The following PLPPR5 variants were observed in gnomAD, a reference collection of about 807,000 sequenced individuals.
The protein encoded by PLPPR5 is phospholipid phosphatase-related protein type 5.
In PLPPR5, 16 loss-of-function variants were observed where a neutral mutation model predicts 33.9. The ratio of observed to expected loss-of-function variants is 0.47; its 90% CI spans 0.32 to 0.72. The LOEUF is 0.72. Among genes scored for constraint, PLPPR5 ranks in the 30% least tolerant of loss-of-function variants. The pLI is 0.03. For synonymous variants in PLPPR5, 163 were observed against 150.3 expected, an observed-to-expected ratio of 1.08 and a Z score of -0.62; for missense variants, 301 against 406.7, an observed-to-expected ratio of 0.74 and a Z score of 2.23.
intron 1 of PLPPR5, among the ~76,000 whole-genome samples, chr1:98,969,716 A>C (rs554570871): frequency 8.0e-6 from 1 of 125,592 alleles, no homozygotes; most frequent in South Asian, 2.3e-4. Flanking sequence ...AGTAAATTCT[A>C]CCTCTTTTTC....
chr1:98,941,108 T>G (rs1248774873), intron 3 of PLPPR5, among the ~76,000 whole-genome samples: 1 of 151,822 alleles, frequency 6.6e-6, no homozygotes, highest in African/African-American at 2.4e-5. Context: ...GAGGTGGGAA[T>G]AGATGGGATC....
At chr1:98,917,886 G>A (rs533750597) in intron 4 of PLPPR5, among the ~76,000 whole-genome samples, 2 of 152,264 alleles carry the variant, frequency 1.3e-5, no homozygotes, top group South Asian at 2.1e-4. Flanking sequence ...GTCACAGTGA[G>A]GGATCAGATT....
chr1:98,967,597 T>C (rs1651494945), intron 1 of PLPPR5, among the ~76,000 whole-genome samples: 2 of 150,760 alleles, frequency 1.3e-5, no homozygotes, highest in African/African-American at 2.4e-5. Flanking sequence ...TCTTATTAGC[T>C]GAATGATCTT....
chr1:98,921,574 C>T (rs1460936469), intron 4 of PLPPR5, among the ~76,000 whole-genome samples: 1 of 152,062 alleles, frequency 6.6e-6, no homozygotes, highest in Non-Finnish European at 1.5e-5. Flanking sequence ...GCAGTTTTTA[C>T]CCAGTCTTAA....
At chr1:98,992,478 C>G (rs2100761769) in intron 1 of PLPPR5, among the ~76,000 whole-genome samples, 1 of 152,208 alleles carries the variant, frequency 6.6e-6, no homozygotes, top group African/African-American at 2.4e-5. Context: ...GTTACTTATA[C>G]TGTTATATTA....
intron 5 of PLPPR5, among the ~76,000 whole-genome samples, chr1:98,899,094 A>G (rs1360975573): frequency 6.6e-6 from 1 of 152,096 alleles, no homozygotes; most frequent in African/African-American, 2.4e-5. Context: ...TACTGATGCA[A>G]CCCCAGAGAC....
chr1:98,989,478 A>C (rs1487161744), intron 1 of PLPPR5, among the ~76,000 whole-genome samples: 2 of 152,162 alleles, frequency 1.3e-5, no homozygotes, highest in African/African-American at 4.8e-5. Flanking sequence ...GAAACTCAGA[A>C]TAACAGTAAC....
intron 1 of PLPPR5, among the ~76,000 whole-genome samples, chr1:98,995,579 A>C (rs182583656): frequency 1.1e-3 from 160 of 152,182 alleles, no homozygotes; most frequent in African/African-American, 3.6e-3. Flanking sequence ...CCTCTCCCCC[A>C]GTGGCTTATT....
intron 3 of PLPPR5, among the ~76,000 whole-genome samples, chr1:98,924,728 C>T (rs961783923): frequency 1.1e-4 from 16 of 152,032 alleles, no homozygotes; most frequent in African/African-American, 3.1e-4. Context: ...TCTTGAATGT[C>T]GAGTTGATCG....
At chr1:98,904,132 A>C (rs1187426370) in intron 5 of PLPPR5, among the ~76,000 whole-genome samples, 1 of 152,088 alleles carries the variant, frequency 6.6e-6, no homozygotes, top group East Asian at 1.9e-4. Flanking sequence ...ACTTTCACTC[A>C]GCTGATGTTT....
intron 1 of PLPPR5, among the ~76,000 whole-genome samples, chr1:98,973,808 C>G (rs1023012637): frequency 1.3e-5 from 2 of 151,096 alleles, no homozygotes; most frequent in East Asian, 2.0e-4. Flanking sequence ...GGACATTATC[C>G]TGGGACCATG....
At chr1:98,918,107 C>T (rs1446940824) in intron 4 of PLPPR5, among the ~76,000 whole-genome samples, 1 of 152,188 alleles carries the variant, frequency 6.6e-6, no homozygotes, top group African/African-American at 2.4e-5. Flanking sequence ...ATAACTTAAT[C>T]TGATCCATTC....
chr1:98,912,316 A>G (rs958728239), intron 5 of PLPPR5, among the ~76,000 whole-genome samples: 2 of 152,180 alleles, frequency 1.3e-5, no homozygotes, highest in African/African-American at 4.8e-5. Context: ...GTCACTATAG[A>G]AAAGAAATTA....
intron 5 of PLPPR5, among the ~76,000 whole-genome samples, chr1:98,907,424 C>T (rs1207281634): frequency 6.6e-6 from 1 of 151,992 alleles, no homozygotes; most frequent in Non-Finnish European, 1.5e-5. Flanking sequence ...GAACTCCTGA[C>T]CTCAGGTGAT....
intron 5 of PLPPR5, among the ~76,000 whole-genome samples, chr1:98,904,509 T>C (rs1034140310): frequency 6.6e-6 from 1 of 152,196 alleles, no homozygotes; most frequent in African/African-American, 2.4e-5. Context: ...TTCATCCTTA[T>C]ATTTATTTTT....
intron 5 of PLPPR5, among the ~76,000 whole-genome samples, chr1:98,898,224 T>C (rs1365013487): frequency 6.6e-6 from 1 of 152,182 alleles, no homozygotes; most frequent in Non-Finnish European, 1.5e-5. Flanking sequence ...AGATGCTGCT[T>C]GTGTAACCAA....
intron 1 of PLPPR5, among the ~76,000 whole-genome samples, chr1:99,002,136 C>CAG (rs1557699732): frequency 6.6e-6 from 1 of 152,092 alleles, no homozygotes; most frequent in Non-Finnish European, 1.5e-5. Context: ...TTACTGCTCC[C>CAG]AGCTCCTCAC....
At chr1:98,993,990 C>T (rs1452908506) in intron 1 of PLPPR5, among the ~76,000 whole-genome samples, 3 of 152,140 alleles carry the variant, frequency 2.0e-5, no homozygotes, top group Admixed American at 6.6e-5. Context: ...TACATTTGTA[C>T]ATAACTGCTC....
intron 5 of PLPPR5, among the ~76,000 whole-genome samples, chr1:98,908,829 A>G (rs559241144): frequency 3.3e-5 from 5 of 152,130 alleles, no homozygotes; most frequent in African/African-American, 1.2e-4. Context: ...AAAACCAAAC[A>G]CTTTCAGAAA....
Sources: gnomAD v4.1 joint callset for allele counts (sites outside exome capture counted in the v4.1 genomes callset) on GRCh38, gnomAD v4.1.1 for gene constraint, MANE v1.5 for transcripts, NCBI Gene and HGNC (gene_info 2026-07-23, HGNC 2026-07-21) for gene names.